Variants in CAMKMT observed in about 807,000 individuals in gnomAD.
CAMKMT encodes CaM KMT.
In CAMKMT, 53 loss-of-function variants were observed where a neutral mutation model predicts 48.0. The observed-to-expected ratio is 1.10, with a 90% confidence interval of 0.89 to 1.39. The LOEUF (loss-of-function observed/expected upper bound fraction) is 1.39, where lower values mean the gene tolerates loss of function less well. Ranked by LOEUF, CAMKMT falls within the 40% of genes most tolerant of loss-of-function variation. The probability of loss-of-function intolerance (pLI) is 0.00; values close to 1 mark genes in which losing one functional copy is unlikely to be tolerated. For synonymous variants in CAMKMT, 165 were observed against 152.3 expected (o/e 1.08, Z -0.61); for missense variants, 428 against 402.7 (o/e 1.06, Z -0.54).
intron 3 of CAMKMT, among the ~76,000 whole-genome samples, chr2:44,469,727 A>G (rs1029952218): frequency 6.6e-6 from 1 of 152,070 alleles, no homozygotes; most frequent in Non-Finnish European, 1.5e-5. Flanking sequence ...TTGTACGCTT[A>G]TCATCACCAT....
At chr2:44,639,588 G>C (rs1203599621) in intron 3 of CAMKMT, among the ~76,000 whole-genome samples, 1 of 152,220 alleles carries the variant, frequency 6.6e-6, no homozygotes, top group Non-Finnish European at 1.5e-5. Flanking sequence ...CTTAGTGCCT[G>C]ATATTGGGAA....
intron 3 of CAMKMT, among the ~76,000 whole-genome samples, chr2:44,625,557 G>T (rs1672435383): frequency 6.6e-6 from 1 of 151,480 alleles, no homozygotes; most frequent in African/African-American, 2.4e-5. Flanking sequence ...TATGGCTAGT[G>T]CATTTTGTGT....
chr2:44,431,529 T>C (rs552872471), intron 3 of CAMKMT, among the ~76,000 whole-genome samples: 13 of 152,190 alleles, frequency 8.5e-5, no homozygotes, highest in Non-Finnish European at 1.8e-4. Flanking sequence ...ATCAGTGACA[T>C]TTTCATTAGT....
intron 3 of CAMKMT, among the ~76,000 whole-genome samples, chr2:44,559,328 C>T (rs1668200701): frequency 6.6e-6 from 1 of 152,210 alleles, no homozygotes; most frequent in Middle Eastern, 3.4e-3. Context: ...ATAGGAAGTG[C>T]ATTCCTTTTG....
chr2:44,705,589 A>G, intron 4 of CAMKMT: 1 of 956,836 alleles, frequency 1.0e-6, no homozygotes, highest in Non-Finnish European at 1.2e-6. Context: ...GAGCCGCTTT[A>G]CTTTTGAGCT....
intron 3 of CAMKMT, among the ~76,000 whole-genome samples, chr2:44,542,338 A>G (rs144943678): frequency 6.6e-6 from 1 of 152,142 alleles, no homozygotes; most frequent in Non-Finnish European, 1.5e-5. Flanking sequence ...CCCAAAAATC[A>G]ACTGGAAAAT....
chr2:44,728,142 T>G (rs1176934408), intron 7 of CAMKMT, among the ~76,000 whole-genome samples: 1 of 152,072 alleles, frequency 6.6e-6, no homozygotes, highest in Non-Finnish European at 1.5e-5. Flanking sequence ...CCCAGCCTGG[T>G]CTTGAACTCA....
intron 2 of CAMKMT, among the ~76,000 whole-genome samples, chr2:44,389,609 G>C (rs1403072179): frequency 1.3e-5 from 2 of 151,978 alleles, no homozygotes; most frequent in Non-Finnish European, 1.5e-5. Context: ...GCACAATTGA[G>C]TCTATTTGTA....
At chr2:44,593,904 C>T (rs1215069175) in intron 3 of CAMKMT, among the ~76,000 whole-genome samples, 2 of 151,788 alleles carry the variant, frequency 1.3e-5, no homozygotes, top group Non-Finnish European at 2.9e-5. Context: ...GCTGGGACTA[C>T]AGGCATGTAC....
intron 3 of CAMKMT, among the ~76,000 whole-genome samples, chr2:44,401,444 C>T (rs1356728764): frequency 1.3e-5 from 2 of 151,932 alleles, no homozygotes; most frequent in Admixed American, 1.3e-4. Context: ...GTAGTCTTAG[C>T]TATTCAAGAG....
intron 3 of CAMKMT, among the ~76,000 whole-genome samples, chr2:44,517,162 C>G (rs1377484131): frequency 6.6e-6 from 1 of 152,076 alleles, no homozygotes; most frequent in Non-Finnish European, 1.5e-5. Flanking sequence ...AAAACAGGAA[C>G]TATAACCACA....
At chr2:44,762,477 C>T (rs1387022580) in intron 9 of CAMKMT, among the ~76,000 whole-genome samples, 3 of 152,164 alleles carry the variant, frequency 2.0e-5, no homozygotes, top group Admixed American at 2.0e-4. Context: ...ATTTTATTGG[C>T]ATAGCATATT....
intron 3 of CAMKMT, among the ~76,000 whole-genome samples, chr2:44,656,135 A>G (rs939237489): frequency 6.6e-6 from 1 of 152,224 alleles, no homozygotes; most frequent in African/African-American, 2.4e-5. Context: ...GCTCTTTCTG[A>G]AGCATCAGAG....
rs1036724995 is a variant in CAMKMT at position 44,678,154 on chromosome 2, C to A, written c.377-26129C>A. 2.6e-5 allele frequency among the ~76,000 whole-genome samples: 4 copies of A among 152,106 alleles called. No individual in the cohort carries two copies. In the East Asian group the frequency reaches 7.7e-4, roughly 29 times the overall value. On this transcript the variant is annotated intron_variant, in intron 3 of 10. Transcript: ENST00000378494. Reference sequence around the variant, plus strand: ...AACCCATTAGCAACAAAAACACCAACAAAACCCCAAACAATCTTTATGAGT... The same window carrying A: ...AACCCATTAGCAACAAAAACACCAAAAAAACCCCAAACAATCTTTATGAGT...
At chr2:44,580,874 T>C (rs1669518162) in intron 3 of CAMKMT, among the ~76,000 whole-genome samples, 1 of 152,184 alleles carries the variant, frequency 6.6e-6, no homozygotes, top group African/African-American at 2.4e-5. Flanking sequence ...GTGTATTGAT[T>C]GTATAATCAG....
intron 3 of CAMKMT, among the ~76,000 whole-genome samples, chr2:44,514,220 G>A (rs186192743): frequency 3.9e-5 from 6 of 152,224 alleles, no homozygotes; most frequent in South Asian, 2.1e-4. Flanking sequence ...TTAATTGTCC[G>A]GGGCTAGGAC....
At chr2:44,463,749 C>G (rs1667965409) in intron 3 of CAMKMT, among the ~76,000 whole-genome samples, 2 of 152,110 alleles carry the variant, frequency 1.3e-5, no homozygotes, top group South Asian at 4.2e-4. Context: ...ACAAACTTCT[C>G]TAATTGGGAA....
At chr2:44,440,840 C>A (rs1346882401) in intron 3 of CAMKMT, among the ~76,000 whole-genome samples, 1 of 151,956 alleles carries the variant, frequency 6.6e-6, no homozygotes, top group Non-Finnish European at 1.5e-5. Context: ...TTTTTATTAT[C>A]CATTTTTAAT....
intron 3 of CAMKMT, among the ~76,000 whole-genome samples, chr2:44,515,731 T>A (rs983844615): frequency 6.6e-6 from 1 of 152,212 alleles, no homozygotes; most frequent in Non-Finnish European, 1.5e-5. Flanking sequence ...TGGGAGGAAC[T>A]AATGGAAGCT....
Sources: gnomAD v4.1 joint callset for allele counts (sites outside exome capture counted in the v4.1 genomes callset) on GRCh38, gnomAD v4.1.1 for gene constraint, MANE v1.5 for transcripts, NCBI Gene and HGNC (gene_info 2026-07-23, HGNC 2026-07-21) for gene names.